Variants in TGIF1 observed in about 807,000 individuals in gnomAD.
The protein encoded by TGIF1 is homeobox protein TGIF1.
TGIF1 carries 4 observed loss-of-function variants against 19.3 expected under a neutral mutation model. That is an observed-to-expected ratio of 0.21 (90% CI 0.10 to 0.47). The LOEUF (loss-of-function observed/expected upper bound fraction) is 0.47, where lower values mean the gene tolerates loss of function less well. TGIF1 is among the 20% of genes least tolerant of loss of function. TGIF1 has a pLI of 0.98. For synonymous variants in TGIF1, 122 were observed against 129.3 expected, an observed-to-expected ratio of 0.94 and a Z score of 0.38; for missense variants, 275 against 341.4, an observed-to-expected ratio of 0.81 and a Z score of 1.53.
intron 2 of TGIF1, among the ~76,000 whole-genome samples, chr18:3,422,295 G>GT (rs1491362263): frequency 2.1e-4 from 10 of 48,268 alleles, no homozygotes; most frequent in Admixed American, 1.1e-3. Context: ...AGTTTAAAAA[G>GT]TAAAAAAAAA....
rs977346795 is a variant in TGIF1, at chr18:3,451,445, C to G, written c.16+940C>G. The G allele has an allele frequency of 6.1e-6, 6 of 987,024 alleles. No homozygotes were observed. Among genetic ancestry groups the G allele is most frequent in the Non-Finnish European group, 7.2e-6 (6 of 831,116 alleles). 61.1% of individuals were successfully genotyped at this position (987,024 alleles called of 1,614,324 possible). On this transcript the variant is annotated intron_variant, in intron 1 of 2. Coordinates refer to ENST00000343820, the MANE Select transcript of TGIF1 (RefSeq NM_003244.4). The surrounding 1 kb of genome is among the most constrained non-coding windows in gnomAD (Gnocchi z 5.4). ...AAAATTGAGTCCCTGGCTGGGAGGT[C>G]CCCCGAGTGTTCCGCTGTGGGCTGG...
At chr18:3,424,402 C>T (rs558439700) in intron 2 of TGIF1, among the ~76,000 whole-genome samples, 1 of 152,260 alleles carries the variant, frequency 6.6e-6, no homozygotes, top group South Asian at 2.1e-4. Flanking sequence ...TCAGCCACAC[C>T]TTGCAGGATC....
At chr18:3,435,415 C>T (rs2082602623) in intron 2 of TGIF1, among the ~76,000 whole-genome samples, 3 of 152,074 alleles carry the variant, frequency 2.0e-5, no homozygotes, top group Admixed American at 6.6e-5. Context: ...CCAGGCTGGT[C>T]TCGAACTCCT....
chr18:3,444,286 CTTTT>C (rs57205118), intron 2 of TGIF1, among the ~76,000 whole-genome samples: 1 of 122,232 alleles, frequency 8.2e-6, no homozygotes, highest in Non-Finnish European at 1.6e-5. Flanking sequence ...ACTTTCTTTT[CTTTT>C]TTTTTTTTTT....
intron 2 of TGIF1, among the ~76,000 whole-genome samples, chr18:3,420,258 G>A (rs2082384629): frequency 6.6e-6 from 1 of 151,820 alleles, no homozygotes; most frequent in Non-Finnish European, 1.5e-5. Context: ...GTGGGTGCCT[G>A]TCATCCCAGC....
chr18:3,429,863 A>G (rs1453340102), intron 2 of TGIF1, among the ~76,000 whole-genome samples: 8 of 152,244 alleles, frequency 5.3e-5, no homozygotes, highest in African/African-American at 1.9e-4. Context: ...CAATTACCTG[A>G]AAAGGCTGAG....
intron 2 of TGIF1, among the ~76,000 whole-genome samples, chr18:3,427,450 C>T (rs1007546577): frequency 2.6e-5 from 4 of 151,738 alleles, no homozygotes; most frequent in Admixed American, 2.0e-4. Flanking sequence ...CGCCACCACA[C>T]GTGGCTAATT....
Position 3,457,912 on chromosome 18 carries a change from T to G in TGIF1, c.791T>G (p.Met264Arg). The change falls in exon 3 of 3, where the codon ATG (methionine) becomes AGG (arginine). Residue 264 changes from methionine to arginine, a missense_variant. Physicochemically the swap from Met to Arg is moderately conservative, Grantham distance 91. Transcript: ENST00000343820. The surrounding 1 kb of genome is among the most constrained non-coding windows in gnomAD (Gnocchi z 4.9). ...VDVALKRAAE[M>R]ELQAKLTA ...GTTGCACTCAAACGGGCTGCAGAGA[T>G]GGAGCTTCAGGCAAAACTTACAGCT... 6.2e-7 allele frequency: 1 copy of G among 1,601,242 alleles called. No homozygotes were observed. Among genetic ancestry groups the G allele is most frequent in the African/African-American group, 1.3e-5 (1 of 75,070 alleles).
At chr18:3,425,998 G>A (rs1311972326) in intron 2 of TGIF1, among the ~76,000 whole-genome samples, 2 of 151,982 alleles carry the variant, frequency 1.3e-5, no homozygotes, top group East Asian at 1.9e-4. Context: ...GGTCACAGCA[G>A]CATCCTACGT....
chr18:3,452,265 C>T (rs1249076755), intron 1 of TGIF1: 1 of 1,610,052 alleles, frequency 6.2e-7, no homozygotes. Context: ...TGCCCTCTCC[C>T]CGGAGCTGGG....
chr18:3,429,729 G>T (rs2082522153), intron 2 of TGIF1, among the ~76,000 whole-genome samples: 1 of 152,142 alleles, frequency 6.6e-6, no homozygotes, highest in African/African-American at 2.4e-5. Context: ...TACAAGATAG[G>T]GCAATGCATT....
chr18:3,451,979 G>A lies in TGIF1; in HGVS notation c.16+1474G>A, dbSNP rs751419596. ...TAAGTGAGGGGCTCTGTGTTTCGAG[G>A]ATGGTTCTAGCGCAGAGCCGGGTGT... is the stretch of plus-strand genomic sequence containing the variant. On this transcript the variant is annotated intron_variant, in intron 1 of 2. Transcript: ENST00000343820. This position sits in a 1 kb window ranked among gnomAD's most constrained non-coding sequence, Gnocchi z 5.4. 18 of 1,579,864 alleles carry A rather than the reference G, an allele frequency of 1.1e-5. No homozygotes were observed. The highest frequency in any genetic ancestry group is 1.8e-5 in the Admixed American group (1 of 56,524).
intron 2 of TGIF1, among the ~76,000 whole-genome samples, chr18:3,429,247 G>T (rs2082515639): frequency 6.6e-6 from 1 of 151,974 alleles, no homozygotes; most frequent in East Asian, 1.9e-4. Context: ...TTTTTGTAGA[G>T]ACTGGAGTCT....
rs949272128 is a variant in TGIF1, at chr18:3,423,574, A to G, written c.-45+5359A>G. 9.2e-5 allele frequency among the ~76,000 whole-genome samples: 14 copies of G among 152,096 alleles called. No individual in the cohort carries two copies. In the East Asian group the frequency reaches 1.3e-3, roughly 15 times the overall value. ...CGGGCGCCTGTGATCCCAGCTACTC[A>G]GGAGCTACTGAGGCAGGAGAATGTC... On this transcript the variant is annotated intron_variant, in intron 2 of 3. Coordinates refer to the TGIF1 transcript ENST00000401449.
At chr18:3,417,344 G>A (rs1434152642) in intron 1 of TGIF1, among the ~76,000 whole-genome samples, 1 of 151,948 alleles carries the variant, frequency 6.6e-6, no homozygotes, top group Non-Finnish European at 1.5e-5. Flanking sequence ...ATTTTTAGTA[G>A]AGATGGGGTT....
In TGIF1 at chr18:3,430,770, C is replaced by A. The variant is rs193234605; in HGVS notation, c.-45+12555C>A. On this transcript the variant is annotated intron_variant, in intron 2 of 3. Coordinates refer to the TGIF1 transcript ENST00000401449. ...CAGCTTATCCTCCTGCCTCAGCCTCCCAAAATGCTGGGATTATAGGCACAA... is the reference window on the plus strand; with the variant it reads ...CAGCTTATCCTCCTGCCTCAGCCTCACAAAATGCTGGGATTATAGGCACAA... 1.7e-3 allele frequency among the ~76,000 whole-genome samples: 251 copies of A among 151,998 alleles called. 1 individual carries two copies. The highest frequency in any genetic ancestry group is 5.6e-3 in the African/African-American group (233 of 41,440).
At chr18:3,449,375 G>T (rs2082825047), upstream of TGIF1, 2 of 985,382 alleles carry the variant, frequency 2.0e-6, no homozygotes, top group African/African-American at 1.7e-5. Context: ...GGTGAGGCAG[G>T]CGCGCGCCCG....
chr18:3,419,666 T>G (rs2082375760), intron 2 of TGIF1, among the ~76,000 whole-genome samples: 1 of 152,218 alleles, frequency 6.6e-6, no homozygotes, highest in African/African-American at 2.4e-5. Context: ...CCTTGGTGTG[T>G]ATCTGATTCT....
chr18:3,423,651 C>G (rs1218426127), intron 2 of TGIF1, among the ~76,000 whole-genome samples: 1 of 151,910 alleles, frequency 6.6e-6, no homozygotes, highest in Non-Finnish European at 1.5e-5. Context: ...CCACTGCCCT[C>G]CAGCCTGCAC....
Sources: allele counts gnomAD v4.1 joint callset (sites outside exome capture counted in the v4.1 genomes callset), GRCh38; gene constraint gnomAD v4.1.1; non-coding constraint Gnocchi (gnomAD v3.1); transcripts MANE v1.5; gene names NCBI Gene and HGNC (gene_info 2026-07-23, HGNC 2026-07-21).